The following COG5 variants were observed in gnomAD, a reference collection of about 807,000 sequenced individuals.
COG5 encodes the protein component of oligomeric golgi complex 5, also known as conserved oligomeric Golgi complex subunit 5.
Under a neutral mutation model 110.4 loss-of-function variants are expected in COG5, and 86 were observed. The observed-to-expected ratio is 0.78, with a 90% CI of 0.65 to 0.93. COG5 has a LOEUF of 0.93. Among genes scored for constraint, COG5 ranks in the 40% least tolerant of loss-of-function variants. The probability of loss-of-function intolerance (pLI) is 0.00; values close to 1 mark genes in which losing one functional copy is unlikely to be tolerated. For missense variants in COG5, 1,077 were observed against 987.0 expected (o/e 1.09, Z -1.22); for synonymous variants, 360 against 334.6 (o/e 1.08, Z -0.83).
chr7:107,524,088 T>C (rs1182907401), intron 6 of COG5, among the ~76,000 whole-genome samples: 1 of 152,224 alleles, frequency 6.6e-6, no homozygotes, highest in Non-Finnish European at 1.5e-5. Flanking sequence ...AATGGAATAC[T>C]AGTCCATAAT....
At chr7:107,503,329 G>A (rs1344731442) in intron 6 of COG5, among the ~76,000 whole-genome samples, 1 of 152,044 alleles carries the variant, frequency 6.6e-6, no homozygotes, top group Non-Finnish European at 1.5e-5. Context: ...TTATTTCTGA[G>A]TTCTCTATTC....
At chr7:107,536,174 T>C (rs550864618) in intron 5 of COG5, among the ~76,000 whole-genome samples, 1 of 150,894 alleles carries the variant, frequency 6.6e-6, no homozygotes, top group South Asian at 2.1e-4. Flanking sequence ...GAGCTATTTA[T>C]GGTAAACCCA....
chr7:107,209,859 A>G, intron 21 of COG5: 1 of 985,692 alleles, frequency 1.0e-6, no homozygotes, highest in Non-Finnish European at 1.2e-6. Flanking sequence ...AAAGCTACAG[A>G]GTGGTAAGGT....
chr7:107,322,101 G>A (rs537237468), intron 11 of COG5, among the ~76,000 whole-genome samples: 9 of 152,336 alleles, frequency 5.9e-5, no homozygotes, highest in African/African-American at 2.2e-4. Context: ...ATCTAAGCCT[G>A]TGAAAATGTG....
intron 8 of COG5, among the ~76,000 whole-genome samples, chr7:107,371,008 T>C (rs1814110926): frequency 6.6e-6 from 1 of 151,982 alleles, no homozygotes; most frequent in Non-Finnish European, 1.5e-5. Flanking sequence ...TTTTTCCCCA[T>C]TCTTGACGAC....
Position 107,211,098 on chromosome 7 carries a change from C to T in COG5, c.2295+1G>A. 6.2e-7 allele frequency: 1 copy of T among 1,613,962 alleles called. No individual in the cohort carries two copies. The highest frequency in any genetic ancestry group is 2.2e-5 in the East Asian group (1 of 44,876). Reference sequence around the variant, plus strand: ...GGTTCTGGCTTGACTTTATTTATTACCTGGAAAGGAGATTTCAGTTCAGCG... The same window carrying T: ...GGTTCTGGCTTGACTTTATTTATTATCTGGAAAGGAGATTTCAGTTCAGCG... On this transcript the variant is annotated splice_donor_variant, in intron 20 of 21. Transcript: ENST00000297135. LOFTEE classifies it high-confidence loss of function.
At position 107,230,658 on chromosome 7, in the gene COG5, C is replaced by T. The variant is rs201113012; in HGVS notation, c.2125G>A (p.Val709Ile). The T allele has an allele frequency of 6.2e-7, 1 of 1,613,432 alleles. No homozygotes were observed. The highest frequency in any genetic ancestry group is 1.3e-5 in the African/African-American group (1 of 75,016). Residue 709 changes from valine (V) to isoleucine (I), a missense_variant, in exon 19 of 22, where the codon GTA (valine) becomes ATA (isoleucine). Coordinates refer to ENST00000297135, the MANE Select transcript of COG5 (RefSeq NM_006348.5). ...CGATAGGACTTTCCTAAATCAGATA[C>T]TCGTCTACAGAATGGACCCACAGCC... ...ELAVGPFCRR[V>I]SDLGKSYRML...
chr7:107,509,611 T>G (rs1799335374), intron 6 of COG5, among the ~76,000 whole-genome samples: 1 of 151,960 alleles, frequency 6.6e-6, no homozygotes. Flanking sequence ...TTCACCAAAG[T>G]TGAAATGAAG....
intron 6 of COG5, among the ~76,000 whole-genome samples, chr7:107,501,603 T>C (rs1798638752): frequency 6.6e-6 from 1 of 152,172 alleles, no homozygotes; most frequent in Non-Finnish European, 1.5e-5. Context: ...AATAGAATCA[T>C]AAATGTGGTA....
rs561186145 is a variant in COG5 at position 107,514,059 on chromosome 7, T to C, written c.538+13178A>G. ...AACTTAAAGTATAATAATAATAAAA[T>C]AAAATAAAATAAAAGAATATTCTCT... On this transcript the variant is annotated intron_variant, in intron 6 of 21. Transcript: ENST00000297135. Among the ~76,000 whole-genome samples, 6 of 151,658 alleles carry C rather than the reference T, an allele frequency of 4.0e-5. No individual in the cohort carries two copies. The South Asian group carries it at 1.3e-3, about 32-fold the overall frequency.
In COG5 at chr7:107,539,505, C is replaced by CTGCAGATTAG. The variant is rs112892365; in HGVS notation, c.417+8596_417+8605dup. 6.6e-5 allele frequency among the ~76,000 whole-genome samples: 10 copies of CTGCAGATTAG among 152,294 alleles called. 3 individuals are homozygous for CTGCAGATTAG. The highest frequency in any genetic ancestry group is 2.4e-4 in the African/African-American group (10 of 41,566). ...GAATAGGGAAATCCAAAAAGGAAGA[C>CTGCAGATTAG]TGCAGATTAGTGCAGATTAGTTGAG... On this transcript the variant is annotated intron_variant, in intron 5 of 21. Coordinates refer to ENST00000297135, the MANE Select transcript of COG5 (RefSeq NM_006348.5).
At chr7:107,492,192 T>TGTGTGTGTG (rs1437230362) in intron 6 of COG5, among the ~76,000 whole-genome samples, 2 of 151,742 alleles carry the variant, frequency 1.3e-5, no homozygotes, top group Non-Finnish European at 2.9e-5. Flanking sequence ...TGTGTGTGTG[T>TGTGTGTGTG]GTGTGTGTGT....
chr7:107,203,332 A>G lies in COG5; in HGVS notation c.*184T>C. 1.6e-6 allele frequency: 1 copy of G among 609,544 alleles called. No homozygotes were observed. The highest frequency in any genetic ancestry group is 2.9e-6 in the Non-Finnish European group (1 of 341,278). 37.8% of individuals were successfully genotyped at this position (609,544 alleles called of 1,614,324 possible). On this transcript the variant is annotated 3_prime_UTR_variant, in exon 22 of 22. Coordinates refer to ENST00000297135, the MANE Select transcript of COG5 (RefSeq NM_006348.5). ...AGGTCCATGGAATTGAAAGGTGGTG[A>G]TAACTCAACATTTTTTATGCTAAAG... is the stretch of plus-strand genomic sequence containing the variant.
Position 107,203,477 on chromosome 7 carries a change from G to A in COG5, c.*39C>T. On this transcript the variant is annotated 3_prime_UTR_variant, in exon 22 of 22. Coordinates refer to ENST00000297135, the MANE Select transcript of COG5 (RefSeq NM_006348.5). ...TGTGTTTAACTGCCAACTATGAATG[G>A]GTTAGCACAAAGTGGAGATGAACAA... 7.3e-7 allele frequency: 1 copy of A among 1,362,042 alleles called. No individual in the cohort carries two copies. Among genetic ancestry groups the A allele is most frequent in the South Asian group, 1.2e-5 (1 of 85,908 alleles). 84.4% of individuals were successfully genotyped at this position (1,362,042 alleles called of 1,614,324 possible). A position where few individuals can be genotyped will look rare whatever the true frequency, so the allele number is the denominator to read the frequency against.
At chr7:107,486,589 C>T (rs1797670149) in intron 6 of COG5, among the ~76,000 whole-genome samples, 1 of 151,842 alleles carries the variant, frequency 6.6e-6, no homozygotes, top group Non-Finnish European at 1.5e-5. Context: ...AAAGAAAACA[C>T]TAAAAAAATC....
intron 6 of COG5, among the ~76,000 whole-genome samples, chr7:107,463,525 G>A (rs1037326391): frequency 3.9e-5 from 6 of 152,184 alleles, no homozygotes; most frequent in Admixed American, 3.9e-4. Context: ...TATTCATAGT[G>A]TAAGAACATA....
intron 6 of COG5, among the ~76,000 whole-genome samples, chr7:107,508,651 T>C (rs1378299918): frequency 1.3e-5 from 2 of 152,080 alleles, no homozygotes; most frequent in Non-Finnish European, 2.9e-5. Context: ...CACTGACACC[T>C]TACACGGCCG....
intron 19 of COG5, 103 bp downstream of exon 19, chr7:107,230,512 T>C: frequency 1.2e-6 from 1 of 849,896 alleles, no homozygotes; most frequent in Non-Finnish European, 2.1e-6. Context: ...TTGTTGTAGA[T>C]CAAAAATGGT....
chr7:107,289,650 C>G (rs1714111382), intron 12 of COG5, among the ~76,000 whole-genome samples: 1 of 152,088 alleles, frequency 6.6e-6, no homozygotes, highest in South Asian at 2.1e-4. Flanking sequence ...AGATGCTTTT[C>G]TACTTATTTA....
Sources: allele counts gnomAD v4.1 joint callset (sites outside exome capture counted in the v4.1 genomes callset), GRCh38; gene constraint gnomAD v4.1.1; transcripts MANE v1.5; gene names NCBI Gene and HGNC (gene_info 2026-07-23, HGNC 2026-07-21).